MAGEC3: variants seen among roughly 807,000 people sequenced by gnomAD.
MAGEC3 encodes MAGE family member C3.
In MAGEC3, 34 loss-of-function variants were observed where a neutral mutation model predicts 35.3. The ratio of observed to expected loss-of-function variants is 0.96; its 90% CI spans 0.73 to 1.28. The LOEUF (loss-of-function observed/expected upper bound fraction) is 1.28, where lower values mean the gene tolerates loss of function less well. MAGEC3 is among the 50% of genes most tolerant of loss of function. MAGEC3 has a pLI of 0.00. For missense variants in MAGEC3, 561 were observed against 483.6 expected (o/e 1.16, Z -1.50); for synonymous variants, 202 against 185.6 (o/e 1.09, Z -0.72).
chrX:141,838,569 A>G, intron 1 of MAGEC3, 131 bp downstream of exon 1: 4 of 1,056,328 alleles, frequency 3.8e-6, no homozygotes, highest in Non-Finnish European at 5.0e-6. Flanking sequence ...CTAAGATGCT[A>G]TCTTGCCCAG....
At chrX:141,855,292 T>A (rs2017773435) in intron 1 of MAGEC3, among the ~76,000 whole-genome samples, 1 of 111,092 alleles carries the variant, frequency 9.0e-6, no homozygotes, top group Non-Finnish European at 1.9e-5. Flanking sequence ...AATTAGAAAT[T>A]ATATCTAGAA....
At chrX:141,873,570 A>G (rs967612975) in intron 2 of MAGEC3, among the ~76,000 whole-genome samples, 3 of 111,786 alleles carry the variant, frequency 2.7e-5, no homozygotes, top group African/African-American at 9.8e-5. Context: ...TGTTTGTCCA[A>G]GATGACAGTG....
chrX:141,875,487 A>T (rs2017914603), intron 2 of MAGEC3, among the ~76,000 whole-genome samples: 1 of 111,070 alleles, frequency 9.0e-6, no homozygotes, highest in Non-Finnish European at 1.9e-5. Context: ...TCGGTGACAG[A>T]GGCAGCATGT....
chrX:141,887,219 C>G (rs755938453), intron 4 of MAGEC3, among the ~76,000 whole-genome samples: 7 of 112,609 alleles, frequency 6.2e-5, no homozygotes, highest in Non-Finnish European at 1.3e-4. Context: ...TATACCTTTA[C>G]CGTCATACCT....
chrX:141,853,457 T>C (rs1240004663), intron 1 of MAGEC3, among the ~76,000 whole-genome samples: 1 of 111,885 alleles, frequency 8.9e-6, no homozygotes, highest in Non-Finnish European at 1.9e-5. Flanking sequence ...CTCTCCTCCA[T>C]CTGGAAGTAA....
chrX:141,854,728 G>A, intron 1 of MAGEC3, among the ~76,000 whole-genome samples: 1 of 111,382 alleles, frequency 9.0e-6, no homozygotes, highest in Non-Finnish European at 1.9e-5. Context: ...TCTTGAGTAT[G>A]TCTTTATCAG....
At chrX:141,839,667 A>G in intron 1 of MAGEC3, 9 of 740,504 alleles carry the variant, frequency 1.2e-5, no homozygotes, top group Non-Finnish European at 1.3e-5. Flanking sequence ...TGAATTGTTT[A>G]TATGCATTTC....
At chrX:141,847,163 T>G (rs898547895) in intron 1 of MAGEC3, among the ~76,000 whole-genome samples, 1 of 111,072 alleles carries the variant, frequency 9.0e-6, no homozygotes, top group African/African-American at 3.3e-5. Context: ...CTCTAGTGAT[T>G]TCCAACTGTG....
intron 2 of MAGEC3, among the ~76,000 whole-genome samples, chrX:141,875,059 T>C (rs900628477): frequency 2.7e-5 from 3 of 111,658 alleles, no homozygotes; most frequent in Non-Finnish European, 5.6e-5. Flanking sequence ...CATTGGGTTT[T>C]CAAAAGGATG....
At chrX:141,877,747 C>T (rs1207139938) in intron 2 of MAGEC3, among the ~76,000 whole-genome samples, 1 of 111,542 alleles carries the variant, frequency 9.0e-6, no homozygotes, top group Non-Finnish European at 1.9e-5. Flanking sequence ...CATGCATATC[C>T]TTTTATCTAG....
intron 4 of MAGEC3, among the ~76,000 whole-genome samples, chrX:141,892,688 C>T: frequency 9.0e-6 from 1 of 111,223 alleles, no homozygotes; most frequent in East Asian, 2.8e-4. Flanking sequence ...TGGGGGCAAA[C>T]CCTAGGTGAC....
At chrX:141,866,769 A>G (rs1031833797) in intron 2 of MAGEC3, among the ~76,000 whole-genome samples, 18 of 112,747 alleles carry the variant, frequency 1.6e-4, no homozygotes, top group Admixed American at 4.7e-4. Flanking sequence ...ATATGCTGCA[A>G]TGAAAATGAA....
At chrX:141,857,516 G>A (rs1025469455) in intron 1 of MAGEC3, among the ~76,000 whole-genome samples, 4 of 111,101 alleles carry the variant, frequency 3.6e-5, no homozygotes, top group East Asian at 5.7e-4. Context: ...GTTCTTGTCC[G>A]TTTCCTGTAT....
chrX:141,868,964 C>T (rs957081994), intron 2 of MAGEC3, among the ~76,000 whole-genome samples: 1 of 109,833 alleles, frequency 9.1e-6, no homozygotes, highest in Non-Finnish European at 1.9e-5. Context: ...TCACTGCAAG[C>T]TCCGCCTCTC....
At chrX:141,893,951 C>T (rs1315974267) in intron 4 of MAGEC3, among the ~76,000 whole-genome samples, 4 of 111,591 alleles carry the variant, frequency 3.6e-5, no homozygotes, top group African/African-American at 1.3e-4. Context: ...ATTAGAATGG[C>T]TGAAATCTGA....
chrX:141,897,393 G>T lies in MAGEC3; in HGVS notation c.1635G>T (p.Lys545Asn). ...GSLIDDQGMPKNCLLILILSM... is the reference protein window; with the variant it reads ...GSLIDDQGMPNNCLLILILSM... ...TGATTGATGACCAGGGCATGCCCAA[G>T]AACTGTCTCCTGATTCTTATTCTCA... The change falls in exon 7 of 8, where the codon AAG becomes AAT. Residue 545 changes from lysine (K) to asparagine (N), a missense_variant. Coordinates refer to ENST00000298296, the MANE Select transcript of MAGEC3 (RefSeq NM_138702.1). 1 of 1,211,839 alleles carries T rather than the reference G, an allele frequency of 8.3e-7. No homozygotes were observed. Among genetic ancestry groups the T allele is most frequent in the Non-Finnish European group, 1.1e-6 (1 of 895,552 alleles).
intron 1 of MAGEC3, among the ~76,000 whole-genome samples, chrX:141,849,175 G>T (rs1269040275): frequency 9.0e-6 from 1 of 110,857 alleles, no homozygotes; most frequent in Admixed American, 9.6e-5. Context: ...ACAAGCAGTG[G>T]GGAAAGGACC....
chrX:141,879,100 C>T (rs1234982335), intron 2 of MAGEC3, 75 bp from the exon 3 acceptor site: 8 of 1,099,701 alleles, frequency 7.3e-6, no homozygotes, highest in Non-Finnish European at 8.4e-6. Flanking sequence ...AGTCCAGGCA[C>T]AGCCTCTCGG....
chrX:141,882,407 G>C lies in MAGEC3; in HGVS notation c.909+611G>C, dbSNP rs185521294. ...CTGTTTATCTAGTTTAAGAGTAACA[G>C]TTTGATATTTTGTAAAAAAAAATGG... On this transcript the variant is annotated intron_variant, in intron 4 of 7. Transcript: ENST00000298296. Among the ~76,000 whole-genome samples the C allele has an allele frequency of 3.9e-4, 44 of 111,455 alleles. 1 individual carries two copies. The highest frequency in any genetic ancestry group is 1.4e-3 in the African/African-American group (44 of 30,570).
Sources: gnomAD v4.1 joint callset for allele counts (sites outside exome capture counted in the v4.1 genomes callset) on GRCh38, gnomAD v4.1.1 for gene constraint, MANE v1.5 for transcripts, NCBI Gene and HGNC (gene_info 2026-07-23, HGNC 2026-07-21) for gene names.